The following RNPC3 variants were observed in gnomAD, a reference collection of about 807,000 sequenced individuals.
RNPC3 encodes RNA binding region (RNP1, RRM) containing 3.
In RNPC3, 48 loss-of-function variants were observed where a neutral mutation model predicts 67.5. That is an observed-to-expected ratio of 0.71 (90% CI 0.56 to 0.90). The LOEUF (loss-of-function observed/expected upper bound fraction) is 0.90. RNPC3 is among the 40% of genes least tolerant of loss of function. RNPC3 has a pLI of 0.00. For missense variants in RNPC3, 637 were observed against 626.1 expected (o/e 1.02, Z -0.19); for synonymous variants, 239 against 210.3 (o/e 1.14, Z -1.18).
intron 12 of RNPC3, 119 bp from the exon 13 acceptor site, chr1:103,550,822 G>T (rs961894494): frequency 6.7e-6 from 6 of 893,326 alleles, no homozygotes; most frequent in Non-Finnish European, 1.1e-5. Context: ...AATAATTGAC[G>T]TGCCTATCAA....
chr1:103,547,375 C>A (rs967533930), intron 12 of RNPC3, among the ~76,000 whole-genome samples: 5 of 152,150 alleles, frequency 3.3e-5, no homozygotes, highest in Admixed American at 3.3e-4. Context: ...AGAAACAGGT[C>A]GGTGATGGAT....
rs767786782 is a variant in RNPC3 at position 103,555,061 on chromosome 1, T to C, written c.*40T>C. On this transcript the variant is annotated 3_prime_UTR_variant, in exon 15 of 15. Transcript: ENST00000423855. The stretch of plus-strand genomic sequence containing the variant: ...TTTTTTGAATCCCGTGTCCTTCAAG[T>C]GCTTTCTAACTTTGAGAGGAAGAAA... 2 of 152,054 alleles carry C rather than the reference T, an allele frequency of 1.3e-5. No individual in the cohort carries two copies. The highest frequency in any genetic ancestry group is 2.9e-5 in the Non-Finnish European group (2 of 67,976). 9.4% of individuals were successfully genotyped at this position (152,054 alleles called of 1,614,324 possible). A position where few individuals can be genotyped will look rare whatever the true frequency, so the allele number is the denominator to read the frequency against.
chr1:103,540,566 A>G (rs2101047987), intron 7 of RNPC3, among the ~76,000 whole-genome samples: 1 of 152,308 alleles, frequency 6.6e-6, no homozygotes, highest in Non-Finnish European at 1.5e-5. Context: ...AAGGGTTTAA[A>G]TTACAGCATA....
In RNPC3 at chr1:103,546,929, T is replaced by G. The variant is rs769384113; in HGVS notation, c.1303-48T>G. 1.2e-5 allele frequency: 12 copies of G among 988,964 alleles called. 1 individual carries two copies. The highest frequency in any genetic ancestry group is 1.1e-4 in the South Asian group (7 of 65,756). The allele number at this position is 988,964 out of a possible 1,614,324, so 61.3% of individuals were successfully genotyped here. A position where few individuals can be genotyped will look rare whatever the true frequency, so the allele number is the denominator to read the frequency against. On this transcript the variant is annotated intron_variant, in intron 11 of 14. Coordinates refer to ENST00000423855, the MANE Select transcript of RNPC3 (RefSeq NM_017619.4). ...TGATGTATTTATTTATTTATTAAGT[T>G]TTTTTCCCCTGGCTTTGTTATTTGT...
Position 103,540,448 on chromosome 1 carries a change from C to G in RNPC3, c.768-902C>G, listed in dbSNP as rs570973794. 3.5e-4 allele frequency among the ~76,000 whole-genome samples: 54 copies of G among 152,256 alleles called. No individual in the cohort carries two copies. The South Asian group carries it at 0.011, about 30-fold the overall frequency. ...ATAATTACTGAATATATGCCTAGCACTCTTGTAGAGGCTTGGTGTACTTTG... is the reference window on the plus strand; with the variant it reads ...ATAATTACTGAATATATGCCTAGCAGTCTTGTAGAGGCTTGGTGTACTTTG... On this transcript the variant is annotated intron_variant, in intron 7 of 14. Transcript: ENST00000423855.
chr1:103,530,105 C>G (rs1200309669), intron 2 of RNPC3, among the ~76,000 whole-genome samples: 1 of 137,668 alleles, frequency 7.3e-6, no homozygotes, highest in African/African-American at 2.8e-5. Flanking sequence ...CAAAACCGGT[C>G]TCTGGTTAAG....
chr1:103,547,080 T>C lies in RNPC3; in HGVS notation c.1361+45T>C, dbSNP rs189786900. On this transcript the variant is annotated intron_variant, in intron 12 of 14. Transcript: ENST00000423855. ...AATCTTCAATTATATTTTGTTTTTA[T>C]CTATTACAAATTTACCACTATTTTA... The C allele has an allele frequency of 1.3e-5, 15 of 1,137,826 alleles. No homozygotes were observed. The African/African-American group carries it at 2.2e-4, about 17-fold the overall frequency. The allele number at this position is 1,137,826 out of a possible 1,614,324, so 70.5% of individuals were successfully genotyped here.
chr1:103,551,067 G>A lies in RNPC3; in HGVS notation c.1488G>A (p.Met496Ile). The A allele has an allele frequency of 6.2e-7, 1 of 1,608,984 alleles. No homozygotes were observed. Among genetic ancestry groups the A allele is most frequent in the African/African-American group, 1.3e-5 (1 of 74,912 alleles). ...ANGYVLFGKP[M>I]VVQFARSARP... is the part of the protein sequence containing the mutation. Reference sequence around the variant, plus strand: ...GATATGTGCTTTTTGGAAAACCCATGGTGGTTGTATCCTTTAAATCCATCT... The same window carrying A: ...GATATGTGCTTTTTGGAAAACCCATAGTGGTTGTATCCTTTAAATCCATCT... Residue 496 changes from methionine (M) to isoleucine (I), a missense_variant, in exon 13 of 15, where the codon ATG becomes ATA. Physicochemically the swap from Met to Ile is conservative, Grantham distance 10. Coordinates refer to ENST00000423855, the MANE Select transcript of RNPC3 (RefSeq NM_017619.4).
At chr1:103,538,088 G>A (rs551588600) in intron 7 of RNPC3, among the ~76,000 whole-genome samples, 1 of 151,932 alleles carries the variant, frequency 6.6e-6, no homozygotes, top group Non-Finnish European at 1.5e-5. Flanking sequence ...CAGGTGATCC[G>A]CCTGCCTCAG....
chr1:103,535,782 A>G (rs1650969894), intron 5 of RNPC3, among the ~76,000 whole-genome samples: 2 of 152,100 alleles, frequency 1.3e-5, no homozygotes, highest in Admixed American at 6.5e-5. Flanking sequence ...TTTTTGAAGT[A>G]CAAAGTATAG....
chr1:103,526,332 CAA>C (rs1293581359), intron 1 of RNPC3, 70 bp downstream of exon 1: 4 of 1,347,704 alleles, frequency 3.0e-6, no homozygotes, highest in East Asian at 5.2e-5. Context: ...GGAGCGCTGA[CAA>C]GAGTAAAATG....
In RNPC3 at chr1:103,536,162, C is replaced by A; in HGVS notation, c.592C>A (p.Pro198Thr). ...HLMNKMNLPT[P>T]FGPITARPPM... ...TATGAATAAAATGAATTTGCCCACA[C>A]CTTTTGGACCAATTACTGCGCGACC... The change falls in exon 6 of 15, where the codon CCT (proline) becomes ACT (threonine). Residue 198 changes from proline (P) to threonine (T), a missense_variant. Around this residue, in one of 3 missense-constraint regions of RNPC3, gnomAD observed 536 missense variants for 500.3 expected, o/e 1.07. Coordinates refer to ENST00000423855, the MANE Select transcript of RNPC3 (RefSeq NM_017619.4). The A allele has an allele frequency of 6.5e-7, 1 of 1,536,180 alleles. No individual in the cohort carries two copies. Among genetic ancestry groups the A allele is most frequent in the Non-Finnish European group, 8.7e-7 (1 of 1,146,124 alleles).
intron 4 of RNPC3, 40 bp downstream of exon 4, chr1:103,534,897 T>G: frequency 8.2e-7 from 1 of 1,224,952 alleles, no homozygotes; most frequent in Non-Finnish European, 1.1e-6. Context: ...TTTTGTTCTG[T>G]GTTATATACA....
chr1:103,542,209 G>A (rs1651139257), intron 8 of RNPC3, among the ~76,000 whole-genome samples: 1 of 152,032 alleles, frequency 6.6e-6, no homozygotes, highest in East Asian at 1.9e-4. Flanking sequence ...TGAGAAAAGA[G>A]AGGTCACAGC....
At chr1:103,537,046 G>A (rs947586251) in intron 6 of RNPC3, among the ~76,000 whole-genome samples, 2 of 152,168 alleles carry the variant, frequency 1.3e-5, no homozygotes, top group African/African-American at 4.8e-5. Flanking sequence ...CAGGAAGGAA[G>A]AATTGTATGT....
chr1:103,552,983 T>G (rs1204668348), intron 14 of RNPC3, among the ~76,000 whole-genome samples: 2 of 152,244 alleles, frequency 1.3e-5, no homozygotes, highest in East Asian at 3.8e-4. Flanking sequence ...GTTTTTTATT[T>G]AAATTTTTGT....
Position 103,543,530 on chromosome 1 carries a change from A to G in RNPC3, c.1045+83A>G. 15 of 1,004,086 alleles carry G rather than the reference A, an allele frequency of 1.5e-5. No homozygotes were observed. In the South Asian group the frequency reaches 3.3e-4, roughly 22 times the overall value. 62.2% of individuals were successfully genotyped at this position (1,004,086 alleles called of 1,614,324 possible). On this transcript the variant is annotated intron_variant, in intron 9 of 14. Coordinates refer to ENST00000423855, the MANE Select transcript of RNPC3 (RefSeq NM_017619.4). ...TTTTACATATAATGTTTCATATTTT[A>G]GTATTTGTCAACTTTATTTAAAATA...
chr1:103,533,689 T>A, intron 2 of RNPC3, 50 bp from the exon 3 acceptor site: 1 of 983,324 alleles, frequency 1.0e-6, no homozygotes, highest in Non-Finnish European at 1.5e-6. Flanking sequence ...CTCTAACGAA[T>A]CATTTTTGGT....
chr1:103,544,890 T>A, intron 9 of RNPC3, 51 bp from the exon 10 acceptor site: 1 of 1,272,598 alleles, frequency 7.9e-7, no homozygotes, highest in Admixed American at 2.9e-5. Context: ...ACCCAAAAAC[T>A]ATTTTTAAAG....
Sources: allele counts gnomAD v4.1 joint callset (sites outside exome capture counted in the v4.1 genomes callset), GRCh38; gene constraint gnomAD v4.1.1; regional missense constraint gnomAD v4.1.1; transcripts MANE v1.5; gene names NCBI Gene and HGNC (gene_info 2026-07-23, HGNC 2026-07-21).